The following CAST variants were observed in gnomAD, a reference collection of about 807,000 sequenced individuals.
The protein encoded by CAST is calpastatin, also known as MIR583 host.
Under a neutral mutation model 119.6 loss-of-function variants are expected in CAST, and 76 were observed. The observed-to-expected ratio is 0.64, with a 90% CI of 0.53 to 0.77. CAST has a LOEUF of 0.77. Among genes scored for constraint, CAST ranks in the 30% least tolerant of loss-of-function variants. CAST has a pLI of 0.00. For synonymous variants in CAST, 319 were observed against 331.6 expected (o/e 0.96, Z 0.41); for missense variants, 953 against 946.5 (o/e 1.01, Z -0.09).
At chr5:96,354,491 C>A in the CAST span, among the ~76,000 whole-genome samples, 2 of 151,642 alleles carry the variant, frequency 1.3e-5, no homozygotes, top group Non-Finnish European at 1.5e-5. Context: ...ACAAATGCTG[C>A]CAGTTAAACT....
At chr5:96,438,948 T>C in the CAST span, among the ~76,000 whole-genome samples, 1 of 152,188 alleles carries the variant, frequency 6.6e-6, no homozygotes, top group Non-Finnish European at 1.5e-5. Context: ...TCTGTGAGAT[T>C]AAGTGAAATA....
At chr5:96,165,103 G>A in the CAST span, among the ~76,000 whole-genome samples, 2 of 152,036 alleles carry the variant, frequency 1.3e-5, no homozygotes, top group Non-Finnish European at 2.9e-5. Context: ...CTCCGAGAGC[G>A]GTCAGATAAG....
the CAST span, among the ~76,000 whole-genome samples, chr5:96,195,182 T>C: frequency 2.0e-5 from 3 of 152,184 alleles, no homozygotes; most frequent in African/African-American, 7.2e-5. Context: ...CCAATAAAGG[T>C]TAACAAACTA....
chr5:96,142,602 C>T, the CAST span, among the ~76,000 whole-genome samples: 1 of 152,324 alleles, frequency 6.6e-6, no homozygotes, highest in Middle Eastern at 3.4e-3. Context: ...TAGGTTGGCA[C>T]TTCCTGTATT....
At chr5:96,604,653 G>A (rs1220887188) in intron 1 of CAST, among the ~76,000 whole-genome samples, 1 of 152,196 alleles carries the variant, frequency 6.6e-6, no homozygotes, top group Non-Finnish European at 1.5e-5. Flanking sequence ...GAATGATTGT[G>A]TAAGACTAAA....
the CAST span, among the ~76,000 whole-genome samples, chr5:96,445,853 A>C: frequency 3.0e-4 from 46 of 152,252 alleles, no homozygotes; most frequent in African/African-American, 1.1e-3. Flanking sequence ...ACTGCAAAAT[A>C]ATCTTTTTCT....
intron 1 of CAST, among the ~76,000 whole-genome samples, chr5:96,599,976 A>AAAAAAAAAAAAAAAAAAAAAAAC: frequency 7.5e-6 from 1 of 132,902 alleles, no homozygotes; most frequent in African/African-American, 3.0e-5. Flanking sequence ...CAAAAAAAAA[A>AAAAAAAAAAAAAAAAAAAAAAAC]AAAAAAACCC....
At chr5:96,153,343 A>G in the CAST span, among the ~76,000 whole-genome samples, 1 of 152,142 alleles carries the variant, frequency 6.6e-6, no homozygotes. Context: ...CTGGAGGGCC[A>G]TGAACACGTG....
chr5:96,471,807 A>T, the CAST span, among the ~76,000 whole-genome samples: 1 of 60,546 alleles, frequency 1.7e-5, no homozygotes, highest in East Asian at 4.0e-4. Context: ...TGATTTGCAT[A>T]TGCGTATTGG....
At chr5:96,664,218 T>C (rs1291582163) in intron 1 of CAST, among the ~76,000 whole-genome samples, 2 of 152,062 alleles carry the variant, frequency 1.3e-5, no homozygotes, top group Non-Finnish European at 2.9e-5. Context: ...GTAGTGTTTT[T>C]TTTTAGATTA....
chr5:96,362,456 T>A, the CAST span, among the ~76,000 whole-genome samples: 2 of 152,312 alleles, frequency 1.3e-5, no homozygotes, highest in East Asian at 3.9e-4. Context: ...ACCAACAGTG[T>A]AAAAGTGTTC....
At chr5:96,157,093 A>AT in the CAST span, among the ~76,000 whole-genome samples, 13 of 152,018 alleles carry the variant, frequency 8.6e-5, no homozygotes, top group Admixed American at 5.9e-4. Flanking sequence ...TCTTAGGTTT[A>AT]TTTTTTTTCT....
At chr5:96,759,061 T>C (rs1409388742) in intron 24 of CAST, among the ~76,000 whole-genome samples, 2 of 152,258 alleles carry the variant, frequency 1.3e-5, no homozygotes, top group Admixed American at 6.5e-5. Flanking sequence ...TTCAAAGATA[T>C]GTAGCAGTGA....
chr5:96,361,230 C>T, the CAST span, among the ~76,000 whole-genome samples: 6 of 152,180 alleles, frequency 3.9e-5, no homozygotes, highest in Non-Finnish European at 7.3e-5. Flanking sequence ...CTGCTGGCAG[C>T]AAGAATTTCA....
the CAST span, among the ~76,000 whole-genome samples, chr5:96,004,096 T>G: frequency 6.6e-6 from 1 of 152,164 alleles, no homozygotes; most frequent in South Asian, 2.1e-4. Flanking sequence ...GTAAGTTGAT[T>G]TGGGCTTTAG....
chr5:96,387,658 T>C, the CAST span, among the ~76,000 whole-genome samples: 1 of 152,194 alleles, frequency 6.6e-6, no homozygotes, highest in Admixed American at 6.5e-5. Flanking sequence ...CTCTTTTCTA[T>C]GAATGTGACT....
In CAST at chr5:96,626,315, C is replaced by T. The variant is rs145391071; in HGVS notation, c.61-49224C>T. ...ATTCCCCTGCTGCCTCTCTTACTCC[C>T]GAGGGTGATTAAAACAAAGCATTAA... On this transcript the variant is annotated intron_variant, in intron 1 of 11. Transcript: ENST00000505143. Among the ~76,000 whole-genome samples, 578 of 152,268 alleles carry T rather than the reference C, an allele frequency of 3.8e-3. 5 individuals are homozygous for T. Among genetic ancestry groups the T allele is most frequent in the Non-Finnish European group, 7.0e-3 (474 of 68,024 alleles).
the CAST span, among the ~76,000 whole-genome samples, chr5:96,013,184 A>G: frequency 6.6e-6 from 1 of 151,964 alleles, no homozygotes; most frequent in Non-Finnish European, 1.5e-5. Context: ...TAAAAATATA[A>G]AAAGGTATGC....
intron 1 of CAST, among the ~76,000 whole-genome samples, chr5:96,646,113 A>C (rs1748011746): frequency 6.7e-6 from 1 of 149,354 alleles, no homozygotes; most frequent in Non-Finnish European, 1.5e-5. Context: ...CAAAGATAAA[A>C]AAATTGATAA....
Sources: gnomAD v4.1 joint callset for allele counts (sites outside exome capture counted in the v4.1 genomes callset) on GRCh38, gnomAD v4.1.1 for gene constraint, MANE v1.5 for transcripts, NCBI Gene and HGNC (gene_info 2026-07-23, HGNC 2026-07-21) for gene names.